ZNF606: variants seen among roughly 807,000 people sequenced by gnomAD.
ZNF606 encodes zinc finger protein 328.
Under a neutral mutation model 74.9 loss-of-function variants are expected in ZNF606, and 37 were observed. That is an observed-to-expected ratio of 0.49 (90% CI 0.38 to 0.65). The LOEUF (loss-of-function observed/expected upper bound fraction) is 0.65. Among genes scored for constraint, ZNF606 ranks in the 30% least tolerant of loss-of-function variants. The pLI is 0.00. For missense variants in ZNF606, 852 were observed against 952.9 expected (o/e 0.89, Z 1.39); for synonymous variants, 328 against 312.4 (o/e 1.05, Z -0.53).
At chr19:57,981,581 A>G (rs1370314847) in intron 6 of ZNF606, among the ~76,000 whole-genome samples, 3 of 150,708 alleles carry the variant, frequency 2.0e-5, no homozygotes, top group African/African-American at 7.5e-5. Flanking sequence ...CTACTCCCAT[A>G]TCTTGACAAG....
intron 6 of ZNF606, among the ~76,000 whole-genome samples, chr19:57,982,025 T>C (rs1216207569): frequency 6.6e-6 from 1 of 152,224 alleles, no homozygotes; most frequent in East Asian, 1.9e-4. Context: ...AAGGAGGCTA[T>C]ATTAGTTTCT....
In ZNF606 at chr19:58,001,258, G is replaced by C. The variant is rs45628537; in HGVS notation, c.31+31C>G. The C allele has an allele frequency of 3.1e-6, 5 of 1,611,206 alleles. No homozygotes were observed. In the African/African-American group the frequency reaches 6.7e-5, roughly 22 times the overall value. On this transcript the variant is annotated intron_variant, in intron 2 of 6. Transcript: ENST00000551380. The stretch of plus-strand genomic sequence containing the variant: ...ATGACTGCAGCAGCTAATGATAGGG[G>C]AGGCCCAGGAGAAACACAACTTGGA...
chr19:57,978,821 C>A lies in ZNF606; in HGVS notation c.1859G>T (p.Gly620Val). 1 of 1,614,126 alleles carries A rather than the reference C, an allele frequency of 6.2e-7. No homozygotes were observed. ...TTTATTACATTCATAGGGCTTAATT[C>A]CAGAATGAATTATCTCATGTTTAGT... is the stretch of plus-strand genomic sequence containing the variant. Reference protein sequence around the residue: ...ALTKHEIIHSGIKPYECNKCG... With the variant: ...ALTKHEIIHSVIKPYECNKCG... The change falls in exon 7 of 7, where the codon GGA becomes GTA. Residue 620 changes from glycine (G) to valine (V), a missense_variant. Physicochemically the swap from Gly to Val is moderately radical, Grantham distance 109. Coordinates refer to ENST00000551380, the MANE Select transcript of ZNF606 (RefSeq NM_001348022.3). This position sits in a 1 kb window ranked among gnomAD's most constrained non-coding sequence, Gnocchi z 4.4.
At chr19:57,995,189 CAAAA>C (rs766350560) in intron 4 of ZNF606, among the ~76,000 whole-genome samples, 5 of 49,522 alleles carry the variant, frequency 1.0e-4, no homozygotes, top group South Asian at 6.4e-4. Context: ...GACTCTGACT[CAAAA>C]AAAAAAAAAA....
chr19:57,995,826 A>C (rs1392187306), intron 4 of ZNF606, among the ~76,000 whole-genome samples: 4 of 152,214 alleles, frequency 2.6e-5, no homozygotes, highest in Non-Finnish European at 2.9e-5. Flanking sequence ...CAAAAAAAAG[A>C]AAAAGACTGT....
At chr19:58,000,826 G>C in intron 2 of ZNF606, 87 bp from the exon 3 acceptor site, 1 of 1,298,118 alleles carries the variant, frequency 7.7e-7, no homozygotes, top group Admixed American at 2.4e-5. Flanking sequence ...CTCGCTAATG[G>C]GCACTACAAA....
intron 3 of ZNF606, 139 bp downstream of exon 3, chr19:58,000,544 C>A (rs954259450): frequency 5.3e-6 from 5 of 945,796 alleles, no homozygotes; most frequent in Non-Finnish European, 8.4e-6. Context: ...CCTCCTTGTT[C>A]CAGCTCTGCA....
At chr19:57,997,186 T>C (rs1343036560) in intron 4 of ZNF606, among the ~76,000 whole-genome samples, 2 of 152,226 alleles carry the variant, frequency 1.3e-5, no homozygotes, top group African/African-American at 2.4e-5. Context: ...GCAGATATCC[T>C]AGGTGGACTG....
intron 4 of ZNF606, among the ~76,000 whole-genome samples, chr19:57,992,792 T>C (rs1292301848): frequency 3.3e-5 from 5 of 152,100 alleles, no homozygotes; most frequent in African/African-American, 9.7e-5. Context: ...AAAGGTTGTG[T>C]TGGAATAGAT....
Position 57,999,814 on chromosome 19 carries a change from C to G in ZNF606, c.171G>C (p.Gln57His), listed in dbSNP as rs758830257. ...CAGGACAGCCCCATCTCACCTGAAC[C>G]TGGGCTGCTGGGAGCCCAGTGGCCC... ...GRRATGLPAAQVQEPVTFKDV... is the reference protein window; with the variant it reads ...GRRATGLPAAHVQEPVTFKDV... Residue 57 changes from glutamine to histidine, a missense_variant, in exon 4 of 7, where the codon CAG becomes CAC. Gln to His is a conservative substitution (Grantham distance 24). This residue lies in a region of ZNF606 where 545 missense variants were observed against 542.5 expected (regional missense o/e 1.00). Coordinates refer to ENST00000551380, the MANE Select transcript of ZNF606 (RefSeq NM_001348022.3). 1 of 1,613,964 alleles carries G rather than the reference C, an allele frequency of 6.2e-7. No homozygotes were observed. The highest frequency in any genetic ancestry group is 1.3e-5 in the African/African-American group (1 of 74,926).
intron 1 of ZNF606, chr19:58,001,962 G>A (rs1164880695): frequency 8.5e-6 from 3 of 351,420 alleles, no homozygotes; most frequent in African/African-American, 4.3e-5. Flanking sequence ...AGGACTTAGA[G>A]ATGGGCCTGG....
intron 6 of ZNF606, among the ~76,000 whole-genome samples, chr19:57,981,805 T>C (rs1034361281): frequency 6.6e-6 from 1 of 152,164 alleles, no homozygotes; most frequent in African/African-American, 2.4e-5. Context: ...AGAGCAATGA[T>C]AGATGGACTA....
intron 4 of ZNF606, among the ~76,000 whole-genome samples, chr19:57,994,266 C>T (rs1229124397): frequency 1.3e-5 from 2 of 151,844 alleles, no homozygotes; most frequent in African/African-American, 2.4e-5. Flanking sequence ...GGCCCCCAAC[C>T]CCCACCAAGA....
At chr19:57,989,115 G>C (rs1347654839) in intron 4 of ZNF606, among the ~76,000 whole-genome samples, 2 of 152,138 alleles carry the variant, frequency 1.3e-5, no homozygotes, top group Non-Finnish European at 2.9e-5. Context: ...CTTGAGGATG[G>C]AGTCTTTGCT....
intron 4 of ZNF606, among the ~76,000 whole-genome samples, chr19:57,993,292 C>T (rs1394292758): frequency 6.6e-6 from 1 of 152,132 alleles, no homozygotes; most frequent in Non-Finnish European, 1.5e-5. Flanking sequence ...TAAACTAATA[C>T]AGGGTTCATC....
chr19:57,985,263 C>T (rs1309026951), intron 6 of ZNF606, among the ~76,000 whole-genome samples: 1 of 152,198 alleles, frequency 6.6e-6, no homozygotes, highest in Non-Finnish European at 1.5e-5. Context: ...TCAGTAACAG[C>T]CTTGGAAAAA....
chr19:58,001,350 A>AG lies in ZNF606; in HGVS notation c.-32dup. ...GGACTGATTGACCAGGCACCTGCCCAGGAACACAGCAAATCCCAACCTAGT... is the reference window on the plus strand; with the variant it reads ...GGACTGATTGACCAGGCACCTGCCCAGGGAACACAGCAAATCCCAACCTAGT... On this transcript the variant is annotated 5_prime_UTR_variant, in exon 2 of 7. Coordinates refer to ENST00000551380, the MANE Select transcript of ZNF606 (RefSeq NM_001348022.3). 1 of 1,614,170 alleles carries AG rather than the reference A, an allele frequency of 6.2e-7. No individual in the cohort carries two copies.
intron 4 of ZNF606, among the ~76,000 whole-genome samples, chr19:57,993,042 G>A (rs567741742): frequency 1.3e-5 from 2 of 152,308 alleles, no homozygotes; most frequent in African/African-American, 2.4e-5. Flanking sequence ...AGAGAGGGAG[G>A]CAGGAGTCAG....
chr19:57,999,764 T>C (rs1376862293), intron 4 of ZNF606, 44 bp downstream of exon 4: 4 of 1,574,152 alleles, frequency 2.5e-6, no homozygotes, highest in Admixed American at 3.3e-5. Flanking sequence ...TGACCAGGGA[T>C]AACCTGGACA....
Sources: gnomAD v4.1 joint callset for allele counts (sites outside exome capture counted in the v4.1 genomes callset) on GRCh38, gnomAD v4.1.1 for gene constraint, gnomAD v4.1.1 regional missense constraint, Gnocchi (gnomAD v3.1) non-coding constraint, MANE v1.5 for transcripts, NCBI Gene and HGNC (gene_info 2026-07-23, HGNC 2026-07-21) for gene names.